FBXL2: variants seen among roughly 807,000 people sequenced by gnomAD.
The protein encoded by FBXL2 is F-box/LRR-repeat protein 2.
FBXL2 carries 38 observed loss-of-function variants against 69.2 expected under a neutral mutation model. The ratio of observed to expected loss-of-function variants is 0.55; its 90% CI spans 0.42 to 0.72. The LOEUF (loss-of-function observed/expected upper bound fraction) is 0.72, where lower values mean the gene tolerates loss of function less well. FBXL2 is among the 30% of genes least tolerant of loss of function. FBXL2 has a pLI of 0.00. For synonymous variants in FBXL2, 192 were observed against 201.3 expected (o/e 0.95, Z 0.39); for missense variants, 354 against 520.3 (o/e 0.68, Z 3.11).
chr3:33,403,985 C>A (rs1162810584), downstream of FBXL2, among the ~76,000 whole-genome samples: 1 of 152,196 alleles, frequency 6.6e-6, no homozygotes, highest in Non-Finnish European at 1.5e-5. Flanking sequence ...GTGACTCATG[C>A]CCCTAATCTC....
the FBXL2 span, among the ~76,000 whole-genome samples, chr3:33,416,422 A>G: frequency 6.6e-6 from 1 of 152,206 alleles, no homozygotes; most frequent in African/African-American, 2.4e-5. Flanking sequence ...TTTACAAGGT[A>G]AAGGATTTTT....
intron 2 of FBXL2, among the ~76,000 whole-genome samples, chr3:33,316,034 C>G (rs2037655393): frequency 6.6e-6 from 1 of 151,058 alleles, no homozygotes; most frequent in African/African-American, 2.4e-5. Flanking sequence ...ATGGACTTTA[C>G]TACTTCTTTG....
chr3:33,392,776 G>T, downstream of FBXL2: 1 of 632,588 alleles, frequency 1.6e-6, no homozygotes, highest in Non-Finnish European at 2.7e-6. Context: ...CACACGTGCT[G>T]CACTGCCTTG....
intron 12 of FBXL2, chr3:33,398,531 T>C (rs2044096883): frequency 6.6e-6 from 1 of 152,470 alleles, no homozygotes; most frequent in Admixed American, 6.5e-5. Context: ...GAAATGTGAA[T>C]GCCCCCAAGG....
rs1164884450 is a variant in FBXL2, at chr3:33,373,874, C to G, written c.610C>G (p.Gln204Glu). Residue 204 changes from glutamine to glutamate, a missense_variant, in exon 9 of 15, where the codon CAG becomes GAG. Transcript: ENST00000484457. ...QLEDEALKHI[Q>E]NYCHELVSLN... ...AGAAGATGAAGCTCTGAAACACATTCAGAATTACTGCCATGAGCTTGTGAG... is the reference window on the plus strand; with the variant it reads ...AGAAGATGAAGCTCTGAAACACATTGAGAATTACTGCCATGAGCTTGTGAG... The G allele has an allele frequency of 3.7e-6, 6 of 1,614,220 alleles. No homozygotes were observed. The highest frequency in any genetic ancestry group is 5.1e-6 in the Non-Finnish European group (6 of 1,180,040).
intron 2 of FBXL2, among the ~76,000 whole-genome samples, chr3:33,329,567 A>G (rs1189128698): frequency 1.3e-5 from 2 of 152,246 alleles, no homozygotes; most frequent in Non-Finnish European, 2.9e-5. Context: ...TATATACATA[A>G]TGGAATATTA....
chr3:33,353,123 T>C (rs1391049479), intron 2 of FBXL2, among the ~76,000 whole-genome samples: 1 of 152,202 alleles, frequency 6.6e-6, no homozygotes, highest in Non-Finnish European at 1.5e-5. Context: ...CTCAAAAATC[T>C]AAATACAAAA....
chr3:33,303,430 TTAGTC>T (rs2036456993), intron 2 of FBXL2, among the ~76,000 whole-genome samples: 1 of 152,158 alleles, frequency 6.6e-6, no homozygotes, highest in South Asian at 2.1e-4. Context: ...CAAATTTTCT[TTAGTC>T]TAGGTTGGGG....
chr3:33,400,153 A>G (rs115546563), intron 12 of FBXL2: 34,935 of 1,303,986 alleles, frequency 0.027, 581 homozygotes, highest in Non-Finnish European at 0.032. Flanking sequence ...AAAACAAAAC[A>G]TTCTCATGCA....
In FBXL2 at chr3:33,395,750, G is replaced by GAAAA. The variant is rs61654235; in HGVS notation, n.1215-7464_1215-7461dup. On this transcript the variant is annotated intron_variant and non_coding_transcript_variant, in intron 12 of 12. Transcript: ENST00000463736. ...CTCCCCATACCTAGTCAGGAAAATT[G>GAAAA]AAAAAAAAAAAAAAAAAAAAAAAGA... Among the ~76,000 whole-genome samples, 628 of 69,766 alleles carry GAAAA rather than the reference G, an allele frequency of 9.0e-3. 4 individuals carry two copies. The highest frequency in any genetic ancestry group is 0.013 in the South Asian group (25 of 1,870). The allele number at this position is 69,766 out of a possible 152,430, so 45.8% of individuals were successfully genotyped here. A position where few individuals can be genotyped will look rare whatever the true frequency, so the allele number is the denominator to read the frequency against.
At chr3:33,398,068 T>C (rs984533191) in intron 12 of FBXL2, 1 of 152,208 alleles carries the variant, frequency 6.6e-6, no homozygotes, top group African/African-American at 2.4e-5. Context: ...AGGTAGGAGA[T>C]GGCTGCATGG....
chr3:33,288,500 G>C (rs1001611640), intron 1 of FBXL2, among the ~76,000 whole-genome samples: 1 of 152,184 alleles, frequency 6.6e-6, no homozygotes, highest in Non-Finnish European at 1.5e-5. Flanking sequence ...TGAGGGAAGG[G>C]ATGTGTTGCT....
At chr3:33,348,708 ACAAAACAATTGATTCTTCTAACC>A (rs2154035044) in intron 2 of FBXL2, among the ~76,000 whole-genome samples, 1 of 152,214 alleles carries the variant, frequency 6.6e-6, no homozygotes, top group Admixed American at 6.5e-5. Flanking sequence ...CAACAACAAA[ACAAAACAATTGATTCTTCTAACC>A]CATGAACATG....
the FBXL2 span, among the ~76,000 whole-genome samples, chr3:33,422,246 T>C: frequency 1.3e-5 from 2 of 152,018 alleles, no homozygotes; most frequent in Non-Finnish European, 2.9e-5. Context: ...GAAAAAGCTA[T>C]GAATCCTCTC....
At chr3:33,398,487 A>C (rs2044094654) in intron 12 of FBXL2, 1 of 152,296 alleles carries the variant, frequency 6.6e-6, no homozygotes, top group African/African-American at 2.4e-5. Flanking sequence ...CATACAGAGA[A>C]CTGGACAGAT....
intron 12 of FBXL2, chr3:33,400,207 G>C: frequency 6.3e-7 from 1 of 1,598,848 alleles, no homozygotes; most frequent in Non-Finnish European, 8.5e-7. Flanking sequence ...TTAGAGAACA[G>C]TCTTGTGTAG....
chr3:33,390,143 T>G (rs929968947), downstream of FBXL2: 1 of 613,434 alleles, frequency 1.6e-6, no homozygotes, highest in African/African-American at 1.8e-5. Flanking sequence ...CTCATGAGGA[T>G]GCTTGGCTAT....
chr3:33,281,097 C>T (rs1324645998), intron 1 of FBXL2, among the ~76,000 whole-genome samples: 1 of 152,072 alleles, frequency 6.6e-6, no homozygotes, highest in Non-Finnish European at 1.5e-5. Context: ...ATGTGCACAA[C>T]GTGCAGGTTT....
the FBXL2 span, chr3:33,412,873 T>G: frequency 8.0e-7 from 1 of 1,254,206 alleles, no homozygotes; most frequent in South Asian, 1.2e-5. Context: ...CTGCTCCAGC[T>G]AAAATGCAGG....
Sources: gnomAD v4.1 joint callset for allele counts (sites outside exome capture counted in the v4.1 genomes callset) on GRCh38, gnomAD v4.1.1 for gene constraint, MANE v1.5 for transcripts, NCBI Gene and HGNC (gene_info 2026-07-23, HGNC 2026-07-21) for gene names.